SEMA3A: variants seen among roughly 807,000 people sequenced by gnomAD.
SEMA3A encodes the protein semaphorin-3A.
In SEMA3A, 29 loss-of-function variants were observed where a neutral mutation model predicts 97.9. That is an observed-to-expected ratio of 0.30 (90% CI 0.22 to 0.40). The LOEUF is 0.40. SEMA3A is among the 10% of genes least tolerant of loss of function. The pLI, the probability that SEMA3A is intolerant of heterozygous loss-of-function variation, is 1.00. For synonymous variants in SEMA3A, 321 were observed against 323.7 expected (o/e 0.99, Z 0.09); for missense variants, 763 against 951.3 (o/e 0.80, Z 2.60).
At chr7:84,395,307 T>C (rs899324758) in intron 1 of SEMA3A, among the ~76,000 whole-genome samples, 5 of 151,764 alleles carry the variant, frequency 3.3e-5, no homozygotes, top group African/African-American at 1.2e-4. Flanking sequence ...TAAAAACTGT[T>C]AACTGCAATT....
chr7:84,406,408 T>A (rs1434567758), intron 1 of SEMA3A, among the ~76,000 whole-genome samples: 1 of 151,936 alleles, frequency 6.6e-6, no homozygotes, highest in Non-Finnish European at 1.5e-5. Flanking sequence ...CAATAATTAA[T>A]AGTTTACCAA....
chr7:84,491,570 G>A (rs1271697191), intron 1 of SEMA3A, among the ~76,000 whole-genome samples: 1 of 152,036 alleles, frequency 6.6e-6, no homozygotes, highest in African/African-American at 2.4e-5. Context: ...CATTCCACCT[G>A]AAAGTCCACC....
intron 3 of SEMA3A, among the ~76,000 whole-genome samples, chr7:84,260,617 T>C (rs937519696): frequency 6.6e-6 from 1 of 152,154 alleles, no homozygotes; most frequent in Non-Finnish European, 1.5e-5. Context: ...CCAGGTGCTG[T>C]TGCAACACAG....
At chr7:84,331,580 A>G (rs1368123401) in intron 2 of SEMA3A, among the ~76,000 whole-genome samples, 1 of 152,070 alleles carries the variant, frequency 6.6e-6, no homozygotes, top group African/African-American at 2.4e-5. Context: ...CAGATTTCCA[A>G]CTATGGTTTG....
intron 2 of SEMA3A, among the ~76,000 whole-genome samples, chr7:84,362,301 A>G (rs1455119832): frequency 6.6e-6 from 1 of 152,024 alleles, no homozygotes; most frequent in African/African-American, 2.4e-5. Context: ...CAAAAATAAC[A>G]GTAACAACAT....
At chr7:84,480,143 G>T (rs1401247271) in intron 1 of SEMA3A, among the ~76,000 whole-genome samples, 1 of 152,182 alleles carries the variant, frequency 6.6e-6, no homozygotes, top group Non-Finnish European at 1.5e-5. Context: ...GTGCTTCATA[G>T]ATGGAATGGC....
chr7:84,295,249 T>C (rs1030312961), intron 3 of SEMA3A, among the ~76,000 whole-genome samples: 1 of 152,036 alleles, frequency 6.6e-6, no homozygotes, highest in African/African-American at 2.4e-5. Context: ...AAAATAGACA[T>C]TAATCAAAAT....
rs149956021 is a variant in SEMA3A, at chr7:84,254,669, T to C, written c.-83+52538A>G. ...GTATAATGATTATAAAGTACACATA[T>C]TTTAACTGCTAATTGGCACATATTT... On this transcript the variant is annotated intron_variant, in intron 3 of 3. Transcript: ENST00000424555. 7.8e-3 allele frequency among the ~76,000 whole-genome samples: 1,183 copies of C among 152,244 alleles called. 12 individuals carry two copies. Among genetic ancestry groups the C allele is most frequent in the African/African-American group, 0.027 (1,131 of 41,552 alleles).
At chr7:84,306,026 G>C (rs895497674) in intron 3 of SEMA3A, among the ~76,000 whole-genome samples, 1 of 151,396 alleles carries the variant, frequency 6.6e-6, no homozygotes, top group African/African-American at 2.4e-5. Flanking sequence ...TCATTTTTGA[G>C]GTTTTTAGTG....
intron 3 of SEMA3A, among the ~76,000 whole-genome samples, chr7:84,121,990 ATG>A (rs750944610): frequency 5.0e-4 from 71 of 142,948 alleles, no homozygotes; most frequent in Non-Finnish European, 8.5e-4. Context: ...ATACATTTGC[ATG>A]TGTCTTTATA....
At chr7:84,415,587 C>A (rs1006093341) in intron 1 of SEMA3A, among the ~76,000 whole-genome samples, 1 of 152,032 alleles carries the variant, frequency 6.6e-6, no homozygotes, top group Non-Finnish European at 1.5e-5. Flanking sequence ...GGCCAAACTA[C>A]TTATACCTGA....
chr7:84,325,647 G>C (rs144433886), intron 2 of SEMA3A, among the ~76,000 whole-genome samples: 136 of 151,982 alleles, frequency 8.9e-4, no homozygotes, highest in African/African-American at 3.1e-3. Context: ...AGGCCAGGAG[G>C]AACCTTGTAT....
At chr7:84,036,850 A>AT (rs1791958354) in intron 6 of SEMA3A, among the ~76,000 whole-genome samples, 1 of 151,946 alleles carries the variant, frequency 6.6e-6, no homozygotes, top group African/African-American at 2.4e-5. Flanking sequence ...TTCCAGTAAC[A>AT]TTTTTTTAAT....
intron 2 of SEMA3A, among the ~76,000 whole-genome samples, chr7:84,336,450 TAA>T (rs1349441626): frequency 2.6e-5 from 4 of 152,114 alleles, no homozygotes; most frequent in Non-Finnish European, 5.9e-5. Context: ...GATACAGGCC[TAA>T]AATAGAGTAT....
intron 1 of SEMA3A, among the ~76,000 whole-genome samples, chr7:84,183,302 AT>A (rs1236860043): frequency 3.3e-5 from 5 of 151,660 alleles, no homozygotes; most frequent in Middle Eastern, 3.4e-3. Flanking sequence ...TCCTTGTGAA[AT>A]TTTTTTTTCA....
Position 84,117,138 on chromosome 7 carries a change from G to A in SEMA3A, c.334-6549C>T, listed in dbSNP as rs147648644. Among the ~76,000 whole-genome samples the A allele has an allele frequency of 3.7e-3, 569 of 151,928 alleles. 2 individuals carry two copies. Among genetic ancestry groups the A allele is most frequent in the African/African-American group, 9.8e-3 (405 of 41,430 alleles). On this transcript the variant is annotated intron_variant, in intron 3 of 16. Transcript: ENST00000265362. ...TTTCTTCAAATATCGTCCATATATC[G>A]TAATCTTCCCAAATATGCACATATA...
chr7:84,230,131 C>A (rs1799086362), intron 3 of SEMA3A, among the ~76,000 whole-genome samples: 1 of 151,896 alleles, frequency 6.6e-6, no homozygotes. Flanking sequence ...CACCTCCTTC[C>A]TTTTTTATGA....
intron 3 of SEMA3A, among the ~76,000 whole-genome samples, chr7:84,236,260 T>A (rs2116368147): frequency 6.6e-6 from 1 of 152,264 alleles, no homozygotes; most frequent in Admixed American, 6.6e-5. Context: ...TATGTGTCTA[T>A]CACACATTTG....
At chr7:83,966,717 CTT>C (rs35906806) in intron 15 of SEMA3A, among the ~76,000 whole-genome samples, 39 of 147,612 alleles carry the variant, frequency 2.6e-4, no homozygotes, top group Middle Eastern at 3.5e-3. Context: ...AATTTTTTTT[CTT>C]TTTTTTTTTG....
Sources: gnomAD v4.1 joint callset for allele counts (sites outside exome capture counted in the v4.1 genomes callset) on GRCh38, gnomAD v4.1.1 for gene constraint, MANE v1.5 for transcripts, NCBI Gene and HGNC (gene_info 2026-07-23, HGNC 2026-07-21) for gene names.